The following FBXW10 variants were observed in gnomAD, a reference collection of about 807,000 sequenced individuals.
FBXW10 encodes F-box and WD repeat domain containing 10.
FBXW10 carries 68 observed loss-of-function variants against 113.1 expected under a neutral mutation model. The observed-to-expected ratio is 0.60, with a 90% confidence interval of 0.49 to 0.74. The LOEUF (loss-of-function observed/expected upper bound fraction) is 0.74, where lower values mean the gene tolerates loss of function less well. Ranked by LOEUF, FBXW10 falls within the 30% of genes least tolerant of loss-of-function variation. The pLI is 0.00. For synonymous variants in FBXW10, 289 were observed against 481.6 expected, an observed-to-expected ratio of 0.60 and a Z score of 5.24; for missense variants, 753 against 1,284.5, an observed-to-expected ratio of 0.59 and a Z score of 6.32.
rs2035078383 is a variant in FBXW10, at chr17:18,748,121, G to T, written c.670+16G>T. ...TCTAACCCTGGTAAGTGAACTTTCA[G>T]CAAGAAAGCCAATATGGGCTAGGTG... On this transcript the variant is annotated intron_variant, in intron 2 of 13. Coordinates refer to ENST00000395665, the MANE Select transcript of FBXW10 (RefSeq NM_001267585.2). 2 of 1,613,632 alleles carry T rather than the reference G, an allele frequency of 1.2e-6. No homozygotes were observed. The highest frequency in any genetic ancestry group is 1.3e-5 in the African/African-American group (1 of 75,016).
chr17:18,765,574 G>A (rs2035479733), intron 8 of FBXW10, among the ~76,000 whole-genome samples: 2 of 152,206 alleles, frequency 1.3e-5, no homozygotes, highest in Non-Finnish European at 2.9e-5. Context: ...AGTCATCGCC[G>A]GCTGTTAGTG....
Position 18,756,098 on chromosome 17 carries a change from G to A in FBXW10, c.1176G>A (p.Leu392=). 3.1e-6 allele frequency: 5 copies of A among 1,614,000 alleles called. No individual in the cohort carries two copies. In the South Asian group the frequency reaches 5.5e-5, roughly 18 times the overall value. Residue 392 remains leucine, a synonymous_variant, in exon 6 of 14, where the codon CTG becomes CTA. Coordinates refer to ENST00000395665, the MANE Select transcript of FBXW10 (RefSeq NM_001267585.2). The part of the protein sequence containing the change: ...AYQNEETQQV[L]IEERNVFCGT... Reference sequence around the variant, plus strand: ...AGAACGAGGAAACGCAGCAGGTCCTGATAGAGGAGAGAAATGTTTTCTGTG... The same window carrying A: ...AGAACGAGGAAACGCAGCAGGTCCTAATAGAGGAGAGAAATGTTTTCTGTG...
At chr17:18,749,381 A>T (rs1295230410) in intron 2 of FBXW10, among the ~76,000 whole-genome samples, 1 of 151,996 alleles carries the variant, frequency 6.6e-6, no homozygotes, top group Non-Finnish European at 1.5e-5. Flanking sequence ...TACTAAAAAA[A>T]AAAAAAATAC....
chr17:18,748,341 G>A (rs56355161), intron 2 of FBXW10, among the ~76,000 whole-genome samples: 1 of 150,148 alleles, frequency 6.7e-6, no homozygotes, highest in South Asian at 2.1e-4. Flanking sequence ...AAGCCGGGAG[G>A]CAGAGCTTGC....
chr17:18,770,548 C>T (rs1971472392), intron 11 of FBXW10, among the ~76,000 whole-genome samples: 1 of 151,946 alleles, frequency 6.6e-6, no homozygotes, highest in South Asian at 2.1e-4. Flanking sequence ...GTGATCCACC[C>T]GTCACGGCCT....
chr17:18,762,435 A>G (rs1479402960), intron 7 of FBXW10, among the ~76,000 whole-genome samples: 1 of 147,840 alleles, frequency 6.8e-6, no homozygotes, highest in East Asian at 2.0e-4. Context: ...CCCCTGCCTC[A>G]GCCTCCCGAG....
intron 8 of FBXW10, among the ~76,000 whole-genome samples, chr17:18,766,453 G>C (rs770119093): frequency 2.0e-5 from 3 of 152,304 alleles, no homozygotes; most frequent in Non-Finnish European, 4.4e-5. Flanking sequence ...TCAAGGCTAA[G>C]TTCCAGGGCC....
chr17:18,774,322 T>C (rs2035665956), intron 12 of FBXW10, among the ~76,000 whole-genome samples: 1 of 152,236 alleles, frequency 6.6e-6, no homozygotes, highest in Admixed American at 6.5e-5. Context: ...AGGGTTTCAC[T>C]TTTCCCTGTC....
intron 11 of FBXW10, 96 bp from the exon 12 acceptor site, chr17:18,772,316 C>A (rs2035630146): frequency 2.5e-6 from 3 of 1,196,596 alleles, no homozygotes; most frequent in African/African-American, 3.0e-5. Context: ...GGGCACTGTT[C>A]CTTTAGTCTA....
chr17:18,759,332 C>T (rs2035334709), intron 7 of FBXW10, among the ~76,000 whole-genome samples: 1 of 152,132 alleles, frequency 6.6e-6, no homozygotes, highest in African/African-American at 2.4e-5. Flanking sequence ...TAATTTTATA[C>T]TAATGATTCC....
At chr17:18,747,247 A>G (rs2035056278) in intron 1 of FBXW10, among the ~76,000 whole-genome samples, 1 of 152,066 alleles carries the variant, frequency 6.6e-6, no homozygotes. Context: ...CTTTTCTTAG[A>G]GCAGATTCTC....
At chr17:18,755,690 G>A (rs1202569789) in intron 5 of FBXW10, among the ~76,000 whole-genome samples, 3 of 152,046 alleles carry the variant, frequency 2.0e-5, no homozygotes, top group Admixed American at 1.3e-4. Flanking sequence ...TGAAATGGTC[G>A]GTCAAAGGGC....
intron 11 of FBXW10, among the ~76,000 whole-genome samples, chr17:18,770,363 A>ATG (rs1384415157): frequency 6.7e-6 from 1 of 150,346 alleles, no homozygotes; most frequent in East Asian, 2.0e-4. Context: ...GAGTGCAGTG[A>ATG]TGTGATCTCG....
chr17:18,770,609 A>G (rs1273914291), intron 11 of FBXW10, among the ~76,000 whole-genome samples: 2 of 151,568 alleles, frequency 1.3e-5, no homozygotes, highest in African/African-American at 4.9e-5. Context: ...GCCTGTTTTG[A>G]CTCTTAATTC....
In FBXW10 at chr17:18,779,346, C is replaced by T. The variant is rs778060036; in HGVS notation, c.*48C>T. 47 of 874,690 alleles carry T rather than the reference C, an allele frequency of 5.4e-5. 5 individuals are homozygous for T. Among genetic ancestry groups the T allele is most frequent in the Admixed American group, 3.5e-4 (13 of 37,198 alleles). The allele number at this position is 874,690 out of a possible 1,614,324, so 54.2% of individuals were successfully genotyped here. On this transcript the variant is annotated 3_prime_UTR_variant, in exon 14 of 14. Coordinates refer to ENST00000395665, the MANE Select transcript of FBXW10 (RefSeq NM_001267585.2). ...GTTTTACAATAAACAGAAAGCCAAG[C>T]GGATGTTGCTATTTGGCCTTTTTTT...
At position 18,779,051 on chromosome 17, in the gene FBXW10, G is replaced by A. The variant is rs143459755; in HGVS notation, c.2912G>A (p.Arg971His). 2.4e-4 allele frequency: 350 copies of A among 1,455,726 alleles called. 36 individuals are homozygous for A. The highest frequency in any genetic ancestry group is 3.2e-4 in the Non-Finnish European group (338 of 1,047,544). 90.2% of individuals were successfully genotyped at this position (1,455,726 alleles called of 1,614,324 possible). ...CTGTCTCTTAAGAAAGAACGGCCTC[G>A]CATCTATACAGCCCTTGATCCTTTT... Reference protein sequence around the residue: ...ATLSLKKERPRIYTALDPFRV... With the variant: ...ATLSLKKERPHIYTALDPFRV... The change falls in exon 14 of 14, where the codon CGC becomes CAC. Residue 971 changes from arginine to histidine, a missense_variant. Transcript: ENST00000395665.
chr17:18,773,846 C>T (rs773127975), intron 12 of FBXW10, among the ~76,000 whole-genome samples: 9 of 152,108 alleles, frequency 5.9e-5, no homozygotes, highest in East Asian at 3.8e-4. Context: ...AGAGTTTACC[C>T]GAGTGCAAAG....
rs1431686365 is a variant in FBXW10, at chr17:18,778,940, G to C, written c.2801G>C (p.Arg934Thr). The change falls in exon 14 of 14, where the codon AGG becomes ACG. Residue 934 changes from arginine (R) to threonine (T), a missense_variant. By Grantham distance (71) the Arg-to-Thr change is moderately conservative (BLOSUM62 -1). Transcript: ENST00000395665. ...GGDQVTSSIERAVCSTGPLTS... is the reference protein window; with the variant it reads ...GGDQVTSSIETAVCSTGPLTS... ...GACCAAGTGACCAGTTCAATTGAAA[G>C]GGCTGTGTGCAGTACGGGTCCCCTG... The C allele has an allele frequency of 6.2e-7, 1 of 1,611,176 alleles. No homozygotes were observed. The highest frequency in any genetic ancestry group is 2.2e-5 in the East Asian group (1 of 44,842).
chr17:18,747,568 A>C (rs933140852), intron 1 of FBXW10, among the ~76,000 whole-genome samples: 2 of 152,098 alleles, frequency 1.3e-5, no homozygotes, highest in Non-Finnish European at 2.9e-5. Context: ...AAAACCAAAA[A>C]CAAACAAACC....
Sources: allele counts gnomAD v4.1 joint callset (sites outside exome capture counted in the v4.1 genomes callset), GRCh38; gene constraint gnomAD v4.1.1; transcripts MANE v1.5; gene names NCBI Gene and HGNC (gene_info 2026-07-23, HGNC 2026-07-21).